The following MED13 variants were observed in gnomAD, a reference collection of about 807,000 sequenced individuals.
The protein encoded by MED13 is mediator of RNA polymerase II transcription subunit 13.
MED13 carries 23 observed loss-of-function variants against 225.2 expected under a neutral mutation model. The observed-to-expected ratio is 0.10, with a 90% CI of 0.07 to 0.14. The LOEUF (loss-of-function observed/expected upper bound fraction) is 0.14. MED13 is among the 10% of genes least tolerant of loss of function. The pLI is 1.00. For missense variants in MED13, 2,197 were observed against 2,594.5 expected (o/e 0.85, Z 3.33); for synonymous variants, 942 against 889.2 (o/e 1.06, Z -1.06).
chr17:62,062,359 T>C (rs2081045362), intron 2 of MED13, among the ~76,000 whole-genome samples: 1 of 152,122 alleles, frequency 6.6e-6, no homozygotes, highest in Non-Finnish European at 1.5e-5. Context: ...GTCAAGAAAA[T>C]AAGGAAGTAA....
chr17:61,958,371 G>A (rs542393607), intron 23 of MED13, among the ~76,000 whole-genome samples: 5 of 149,746 alleles, frequency 3.3e-5, no homozygotes, highest in Non-Finnish European at 7.4e-5. Flanking sequence ...CAAGAGTCTC[G>A]CTCTGTTGCC....
chr17:61,998,372 T>A (rs1009978676), intron 9 of MED13, among the ~76,000 whole-genome samples: 1 of 152,170 alleles, frequency 6.6e-6, no homozygotes, highest in Non-Finnish European at 1.5e-5. Context: ...ATTCATTAAT[T>A]GCAACTCTTT....
intron 8 of MED13, among the ~76,000 whole-genome samples, chr17:62,024,041 G>A (rs970220876): frequency 2.7e-5 from 4 of 147,918 alleles, no homozygotes; most frequent in Non-Finnish European, 3.0e-5. Context: ...TTTTTGAGAC[G>A]GAGTCTCGCT....
chr17:61,994,188 G>A (rs1302831571), intron 10 of MED13, among the ~76,000 whole-genome samples: 2 of 152,026 alleles, frequency 1.3e-5, no homozygotes, highest in South Asian at 2.1e-4. Flanking sequence ...TAGTAGAGAT[G>A]GGGTTTCACC....
chr17:62,015,911 T>TACAC (rs1181563177), intron 8 of MED13, among the ~76,000 whole-genome samples: 63 of 33,776 alleles, frequency 1.9e-3, no homozygotes, highest in African/African-American at 6.1e-3. Context: ...ATACACACTA[T>TACAC]ACACATATAT....
intron 9 of MED13, chr17:62,005,392 G>C (rs1485532015): frequency 6.6e-6 from 1 of 152,064 alleles, no homozygotes; most frequent in Non-Finnish European, 1.5e-5. Flanking sequence ...GATCACTTGA[G>C]ATCAGGAGTT....
chr17:62,045,299 G>A (rs1178173802), intron 3 of MED13, among the ~76,000 whole-genome samples: 1 of 152,046 alleles, frequency 6.6e-6, no homozygotes, highest in Non-Finnish European at 1.5e-5. Context: ...AAACTTTACC[G>A]CACACTCAGC....
chr17:61,988,674 C>T (rs562901796), intron 11 of MED13, among the ~76,000 whole-genome samples: 1 of 152,088 alleles, frequency 6.6e-6, no homozygotes, highest in East Asian at 1.9e-4. Context: ...TCCTATATCC[C>T]AGGGAACATC....
At chr17:61,952,849 C>G (rs376967661) in intron 27 of MED13, 116 bp downstream of exon 27, 1 of 1,193,820 alleles carries the variant, frequency 8.4e-7, no homozygotes, top group East Asian at 2.4e-5. Flanking sequence ...ATTGGCCAGG[C>G]TGGTCTCAAA....
At chr17:61,961,206 C>T (rs2079996150) in intron 22 of MED13, 116 bp from the exon 23 acceptor site, 1 of 932,572 alleles carries the variant, frequency 1.1e-6, no homozygotes, top group South Asian at 1.7e-5. Context: ...ACAGCTAAGC[C>T]AAAAATTGCA....
chr17:61,975,286 G>A (rs1018050413), intron 16 of MED13, among the ~76,000 whole-genome samples: 2 of 151,984 alleles, frequency 1.3e-5, no homozygotes, highest in South Asian at 2.1e-4. Flanking sequence ...TTTTAAAAAC[G>A]GGCAAAAAAT....
At chr17:62,043,147 C>T (rs1017026163) in intron 3 of MED13, among the ~76,000 whole-genome samples, 1 of 79,660 alleles carries the variant, frequency 1.3e-5, no homozygotes, top group South Asian at 5.3e-4. Flanking sequence ...CAAAGCAAGA[C>T]CCTGTCTCCA....
At chr17:61,978,808 C>A (rs189492254) in intron 16 of MED13, among the ~76,000 whole-genome samples, 8 of 152,118 alleles carry the variant, frequency 5.3e-5, no homozygotes, top group Admixed American at 5.2e-4. Flanking sequence ...TGTGTCTTTC[C>A]CTTTTTAAAT....
chr17:61,959,954 G>A (rs1017438642), intron 23 of MED13, among the ~76,000 whole-genome samples: 1 of 151,854 alleles, frequency 6.6e-6, no homozygotes, highest in African/African-American at 2.4e-5. Flanking sequence ...TCGAACTCCT[G>A]GACTCAAGTG....
Position 61,946,945 on chromosome 17 carries a change from C to A in MED13, c.6364G>T (p.Asp2122Tyr). Residue 2122 changes from aspartate (D) to tyrosine (Y), a missense_variant, in exon 29 of 30, where the codon GAC (aspartate) becomes TAC (tyrosine). Around this residue, in one of 12 missense-constraint regions of MED13, gnomAD observed 216 missense variants for 388.9 expected, o/e 0.56. Transcript: ENST00000397786. ...LLHSKHSHPL[D>Y]SNQTSDVLRF... is the part of the protein sequence containing the mutation. ...AGGACATCTGAAGTCTGATTTGAGT[C>A]AAGTGGGTGGGAGTGTTTACTGTGA... is the stretch of plus-strand genomic sequence containing the variant. 6.2e-7 allele frequency: 1 copy of A among 1,613,918 alleles called. No individual in the cohort carries two copies. Among genetic ancestry groups the A allele is most frequent in the South Asian group, 1.1e-5 (1 of 91,052 alleles).
intron 27 of MED13, 22 bp downstream of exon 27, chr17:61,952,943 C>T: frequency 1.2e-6 from 2 of 1,605,388 alleles, no homozygotes; most frequent in Admixed American, 1.7e-5. Context: ...CCGAGAAAAA[C>T]TAAAACTTGT....
intron 3 of MED13, among the ~76,000 whole-genome samples, chr17:62,048,236 T>G (rs2080920170): frequency 6.7e-6 from 1 of 148,388 alleles, no homozygotes; most frequent in African/African-American, 2.5e-5. Flanking sequence ...CGAAACCCCG[T>G]CTCCTTAAAA....
chr17:62,022,094 G>A (rs1345504026), intron 8 of MED13, among the ~76,000 whole-genome samples: 1 of 151,526 alleles, frequency 6.6e-6, no homozygotes, highest in African/African-American at 2.4e-5. Flanking sequence ...CCTCAACCCA[G>A]GAGACGGAGG....
chr17:61,976,217 A>G (rs1453668977), intron 16 of MED13, among the ~76,000 whole-genome samples: 1 of 152,216 alleles, frequency 6.6e-6, no homozygotes, highest in Non-Finnish European at 1.5e-5. Context: ...ATACAATGGA[A>G]TATTATTTGG....
Sources: gnomAD v4.1 joint callset for allele counts (sites outside exome capture counted in the v4.1 genomes callset) on GRCh38, gnomAD v4.1.1 for gene constraint, gnomAD v4.1.1 regional missense constraint, MANE v1.5 for transcripts, NCBI Gene and HGNC (gene_info 2026-07-23, HGNC 2026-07-21) for gene names.